The following NUBPL variants were observed in gnomAD, a reference collection of about 807,000 sequenced individuals.
The protein encoded by NUBPL is NUBP iron-sulfur cluster assembly factor, mitochondrial.
NUBPL carries 31 observed loss-of-function variants against 45.7 expected under a neutral mutation model. The observed-to-expected ratio is 0.68, with a 90% CI of 0.51 to 0.92. NUBPL has a LOEUF of 0.92. NUBPL is among the 40% of genes least tolerant of loss of function. NUBPL has a pLI of 0.00. For synonymous variants in NUBPL, 144 were observed against 140.9 expected (o/e 1.02, Z -0.15); for missense variants, 401 against 398.7 (o/e 1.01, Z -0.05).
intron 3 of NUBPL, among the ~76,000 whole-genome samples, chr14:31,572,149 A>AT (rs939518442): frequency 4.0e-5 from 6 of 149,588 alleles, no homozygotes; most frequent in South Asian, 4.2e-4. Flanking sequence ...TTTTTTTTTA[A>AT]TTTTTTTTGT....
At chr14:31,769,782 T>A (rs1254983424) in intron 6 of NUBPL, among the ~76,000 whole-genome samples, 1 of 151,354 alleles carries the variant, frequency 6.6e-6, no homozygotes, top group East Asian at 1.9e-4. Context: ...AGTCATGGTA[T>A]TTTTTTTTCA....
intron 4 of NUBPL, among the ~76,000 whole-genome samples, chr14:31,622,840 G>C (rs181402660): frequency 6.6e-6 from 1 of 152,376 alleles, no homozygotes; most frequent in African/African-American, 2.4e-5. Context: ...GCAATGCAGA[G>C]GGGGATATGT....
intron 6 of NUBPL, among the ~76,000 whole-genome samples, chr14:31,699,338 C>A (rs1185955204): frequency 1.3e-5 from 2 of 152,190 alleles, no homozygotes; most frequent in Non-Finnish European, 2.9e-5. Context: ...TATCCCTAGA[C>A]AATAATATTT....
chr14:31,819,656 G>A (rs6571468), intron 7 of NUBPL, among the ~76,000 whole-genome samples: 79,545 of 152,066 alleles, frequency 0.52, 22,398 homozygotes, highest in African/African-American at 0.75. Context: ...TTAATAGGAG[G>A]ATTGACAATT....
At chr14:31,720,748 C>T (rs186296509) in intron 6 of NUBPL, among the ~76,000 whole-genome samples, 117 of 152,232 alleles carry the variant, frequency 7.7e-4, no homozygotes, top group Non-Finnish European at 1.4e-3. Flanking sequence ...GTTCATCAGT[C>T]GTAAGTATAT....
intron 6 of NUBPL, among the ~76,000 whole-genome samples, chr14:31,723,407 A>G (rs1484542069): frequency 1.3e-5 from 2 of 152,096 alleles, no homozygotes; most frequent in African/African-American, 2.4e-5. Context: ...TTTGCTTAGG[A>G]TTGCCTTGGC....
intron 8 of NUBPL, among the ~76,000 whole-genome samples, chr14:31,836,765 G>T (rs1464826315): frequency 6.6e-6 from 1 of 152,072 alleles, no homozygotes; most frequent in Non-Finnish European, 1.5e-5. Flanking sequence ...GCCACTGTTT[G>T]CATATGTTAA....
chr14:31,717,556 C>A (rs902263947), intron 6 of NUBPL, among the ~76,000 whole-genome samples: 8 of 152,192 alleles, frequency 5.3e-5, no homozygotes, highest in Admixed American at 5.2e-4. Context: ...CACTTTGTGA[C>A]ATTTCAGACA....
intron 6 of NUBPL, among the ~76,000 whole-genome samples, chr14:31,740,120 T>C (rs1020462004): frequency 2.6e-5 from 4 of 152,232 alleles, no homozygotes; most frequent in African/African-American, 9.6e-5. Flanking sequence ...TAAACATTTG[T>C]GTGTAGGTTT....
At chr14:31,693,603 G>A (rs2037139428) in intron 6 of NUBPL, among the ~76,000 whole-genome samples, 1 of 151,902 alleles carries the variant, frequency 6.6e-6, no homozygotes, top group South Asian at 2.1e-4. Context: ...TTAACTATAG[G>A]TGAAGTCATT....
At chr14:31,565,306 C>T (rs1049327400) in intron 3 of NUBPL, among the ~76,000 whole-genome samples, 15 of 151,978 alleles carry the variant, frequency 9.9e-5, no homozygotes, top group Non-Finnish European at 1.9e-4. Context: ...ACCAATTTTG[C>T]CTTTATGATT....
chr14:31,797,561 GC>G, intron 7 of NUBPL, among the ~76,000 whole-genome samples: 1 of 38,196 alleles, frequency 2.6e-5, no homozygotes, highest in Non-Finnish European at 3.9e-5. Context: ...TGCAACCCCT[GC>G]CTTTTTTTGT....
At chr14:31,739,210 A>G (rs959137587) in intron 6 of NUBPL, among the ~76,000 whole-genome samples, 5 of 96,532 alleles carry the variant, frequency 5.2e-5, no homozygotes, top group African/African-American at 8.9e-5. Context: ...TTCTATATAT[A>G]TATTATATTA....
intron 3 of NUBPL, among the ~76,000 whole-genome samples, chr14:31,576,699 G>T (rs181269015): frequency 1.3e-5 from 2 of 152,062 alleles, no homozygotes. Flanking sequence ...CTTCTAAATC[G>T]TTCCCACTTT....
chr14:31,782,768 A>G (rs911494237), intron 6 of NUBPL, among the ~76,000 whole-genome samples: 2 of 151,054 alleles, frequency 1.3e-5, no homozygotes, highest in Non-Finnish European at 3.0e-5. Context: ...CCTGGGCGAC[A>G]GAGTGAGACT....
chr14:31,828,783 G>C (rs1004572723), intron 8 of NUBPL, among the ~76,000 whole-genome samples: 1 of 152,096 alleles, frequency 6.6e-6, no homozygotes, highest in Non-Finnish European at 1.5e-5. Context: ...ACCTGTGAAC[G>C]TGGATACTTA....
intron 4 of NUBPL, among the ~76,000 whole-genome samples, chr14:31,625,474 TTTC>T (rs1194326574): frequency 1.5e-5 from 2 of 136,292 alleles, no homozygotes; most frequent in Non-Finnish European, 3.3e-5. Flanking sequence ...ATTTCTTTTC[TTTC>T]TTTTTTTTTT....
At position 31,700,868 on chromosome 14, in the gene NUBPL, C is replaced by T. The variant is rs117040339; in HGVS notation, c.513+27294C>T. 4.5e-3 allele frequency among the ~76,000 whole-genome samples: 686 copies of T among 152,236 alleles called. 35 individuals are homozygous for T. In the East Asian group the frequency reaches 0.093, roughly 21 times the overall value. On this transcript the variant is annotated intron_variant, in intron 6 of 10. Coordinates refer to ENST00000281081, the MANE Select transcript of NUBPL (RefSeq NM_025152.3). Reference sequence around the variant, plus strand: ...GGTTCCCTCACGGCCTGAGCCTCCCCGACGGGTGCTGCCCCCTGCTCCAGG... The same window carrying T: ...GGTTCCCTCACGGCCTGAGCCTCCCTGACGGGTGCTGCCCCCTGCTCCAGG...
At chr14:31,829,310 C>G (rs1344292759) in intron 8 of NUBPL, among the ~76,000 whole-genome samples, 1 of 151,648 alleles carries the variant, frequency 6.6e-6, no homozygotes, top group Non-Finnish European at 1.5e-5. Flanking sequence ...TTCTAAACTA[C>G]AAACATTTTT....
Sources: gnomAD v4.1 joint callset for allele counts (sites outside exome capture counted in the v4.1 genomes callset) on GRCh38, gnomAD v4.1.1 for gene constraint, MANE v1.5 for transcripts, NCBI Gene and HGNC (gene_info 2026-07-23, HGNC 2026-07-21) for gene names.